The following GK variants were observed in gnomAD, a reference collection of about 807,000 sequenced individuals.
The protein encoded by GK is glycerol kinase.
Under a neutral mutation model 56.4 loss-of-function variants are expected in GK, and 9 were observed. That is an observed-to-expected ratio of 0.16 (90% CI 0.10 to 0.28). The LOEUF (loss-of-function observed/expected upper bound fraction) is 0.28, where lower values mean the gene tolerates loss of function less well. Ranked by LOEUF, GK falls within the 10% of genes least tolerant of loss-of-function variation. GK has a pLI of 1.00. For missense variants in GK, 161 were observed against 431.4 expected, an observed-to-expected ratio of 0.37 and a Z score of 5.55; for synonymous variants, 104 against 144.1, an observed-to-expected ratio of 0.72 and a Z score of 1.99.
chrX:30,681,387 GGAGA>G (rs1172412468), intron 4 of GK, among the ~76,000 whole-genome samples: 2 of 111,685 alleles, frequency 1.8e-5, no homozygotes, highest in African/African-American at 3.3e-5. Context: ...ATCAGAACTG[GGAGA>G]GAGAGTAAAA....
intron 13 of GK, among the ~76,000 whole-genome samples, chrX:30,716,072 A>G (rs1397826205): frequency 1.8e-5 from 2 of 111,952 alleles, no homozygotes; most frequent in African/African-American, 3.2e-5. Context: ...TGGTGTAAGC[A>G]TGTAACATCC....
At chrX:30,674,700 T>C (rs1405539709) in intron 3 of GK, among the ~76,000 whole-genome samples, 6 of 111,054 alleles carry the variant, frequency 5.4e-5, no homozygotes, top group African/African-American at 2.0e-4. Context: ...ATATAAACTT[T>C]TAGATACAGA....
chrX:30,696,704 C>T (rs750677895), intron 8 of GK, 21 bp downstream of exon 8: 3 of 1,093,894 alleles, frequency 2.7e-6, no homozygotes, highest in African/African-American at 3.7e-5. Context: ...AACAAACAAA[C>T]AAAAAACACA....
intron 3 of GK, 36 bp downstream of exon 3, chrX:30,668,154 C>T (rs773950605): frequency 1.1e-5 from 8 of 713,624 alleles, no homozygotes; most frequent in Non-Finnish European, 1.4e-5. Flanking sequence ...CATAATAAGA[C>T]TCTCTCAATC....
At chrX:30,677,723 G>C (rs892465187) in intron 4 of GK, among the ~76,000 whole-genome samples, 1 of 107,997 alleles carries the variant, frequency 9.3e-6, no homozygotes, top group Non-Finnish European at 1.9e-5. Flanking sequence ...TACTCGGGAG[G>C]CTGAAGCAGG....
intron 13 of GK, among the ~76,000 whole-genome samples, chrX:30,708,345 A>C (rs1307260730): frequency 9.0e-6 from 1 of 110,574 alleles, no homozygotes; most frequent in African/African-American, 3.3e-5. Context: ...CTCAGTTCTT[A>C]TGCCAATTAA....
At chrX:30,704,576 A>G (rs554306272) in intron 11 of GK, among the ~76,000 whole-genome samples, 125 of 105,052 alleles carry the variant, frequency 1.2e-3, no homozygotes, top group African/African-American at 4.1e-3. Context: ...TCGTTTGGTG[A>G]CTTTTTTTTT....
At chrX:30,660,964 C>T (rs1223531571) in intron 1 of GK, among the ~76,000 whole-genome samples, 1 of 109,515 alleles carries the variant, frequency 9.1e-6, no homozygotes, top group African/African-American at 3.3e-5. Flanking sequence ...AGGTGCGTGC[C>T]ACCATGCCTG....
chrX:30,705,155 T>C (rs1036847499), intron 11 of GK, among the ~76,000 whole-genome samples: 6 of 111,709 alleles, frequency 5.4e-5, no homozygotes, highest in African/African-American at 2.0e-4. Context: ...AAATGGGGGA[T>C]AAGTGATGGA....
At chrX:30,721,040 A>G in intron 18 of GK, 45 bp downstream of exon 18, 2 of 1,126,052 alleles carry the variant, frequency 1.8e-6, no homozygotes, top group East Asian at 6.0e-5. Flanking sequence ...TGTGAAAACG[A>G]CCTTAGTGCA....
At chrX:30,667,311 T>A (rs1428863398) in intron 2 of GK, among the ~76,000 whole-genome samples, 1 of 111,423 alleles carries the variant, frequency 9.0e-6, no homozygotes, top group Non-Finnish European at 1.9e-5. Context: ...ATCATTTTAG[T>A]TTGTATCATT....
At chrX:30,703,765 A>G (rs1012769012) in intron 11 of GK, among the ~76,000 whole-genome samples, 2 of 110,741 alleles carry the variant, frequency 1.8e-5, no homozygotes, top group African/African-American at 6.6e-5. Flanking sequence ...GTTTGAGACC[A>G]GTCTGGCCAT....
rs1304301013 is a variant in GK, at chrX:30,730,148, A to G, written c.*1406A>G. 1 of 112,431 alleles carries G rather than the reference A, an allele frequency of 8.9e-6. No homozygotes were observed. Among genetic ancestry groups the G allele is most frequent in the Non-Finnish European group, 1.9e-5 (1 of 53,294 alleles). The allele number at this position is 112,431 out of a possible 1,213,427, so 9.3% of individuals were successfully genotyped here. On this transcript the variant is annotated 3_prime_UTR_variant, in exon 21 of 21. Coordinates refer to ENST00000427190, the MANE Select transcript of GK (RefSeq NM_001205019.2). The stretch of plus-strand genomic sequence containing the variant: ...ATCCTGCTTCTTAACATCAATTTTT[A>G]AAAATATCTTAAAATTACTTTGTTT...
intron 1 of GK, among the ~76,000 whole-genome samples, chrX:30,654,691 C>G (rs746984208): frequency 2.7e-5 from 3 of 111,002 alleles, no homozygotes; most frequent in Non-Finnish European, 5.7e-5. Flanking sequence ...CCACTGCACT[C>G]CAGCCTGGGC....
At chrX:30,700,195 A>G in intron 9 of GK, 1 of 382,815 alleles carries the variant, frequency 2.6e-6, no homozygotes, top group Non-Finnish European at 4.6e-6. Context: ...CTCCCAGTCT[A>G]ACGTTTTATG....
intron 9 of GK, among the ~76,000 whole-genome samples, chrX:30,699,320 A>T (rs72625562): frequency 0.37 from 26,583 of 71,944 alleles, 3,269 homozygotes; most frequent in South Asian, 0.55. Context: ...ATAACATGTT[A>T]TATATATATA....
At chrX:30,701,959 C>T (rs1223425515) in intron 11 of GK, among the ~76,000 whole-genome samples, 1 of 112,190 alleles carries the variant, frequency 8.9e-6, no homozygotes, top group Non-Finnish European at 1.9e-5. Flanking sequence ...GAATCTGGCA[C>T]TCTTTCTTTC....
chrX:30,707,438 A>C, intron 11 of GK, 118 bp from the exon 12 acceptor site: 1 of 502,941 alleles, frequency 2.0e-6, no homozygotes, highest in Non-Finnish European at 3.5e-6. Flanking sequence ...ACTTTTATAA[A>C]ACTATAATGA....
intron 6 of GK, 29 bp downstream of exon 6, chrX:30,694,566 G>A: frequency 8.6e-7 from 1 of 1,164,253 alleles, no homozygotes; most frequent in Non-Finnish European, 1.2e-6. Context: ...GATATATGGA[G>A]AATTTTTTCA....
Sources: allele counts gnomAD v4.1 joint callset (sites outside exome capture counted in the v4.1 genomes callset), GRCh38; gene constraint gnomAD v4.1.1; transcripts MANE v1.5; gene names NCBI Gene and HGNC (gene_info 2026-07-23, HGNC 2026-07-21).